VPS13B: variants seen among roughly 807,000 people sequenced by gnomAD.
VPS13B encodes intermembrane lipid transfer protein VPS13B.
Under a neutral mutation model 426.4 loss-of-function variants are expected in VPS13B, and 285 were observed. The observed-to-expected ratio is 0.67, with a 90% CI of 0.61 to 0.74. The LOEUF (loss-of-function observed/expected upper bound fraction) is 0.74. VPS13B is among the 30% of genes least tolerant of loss of function. The pLI is 0.00. For missense variants in VPS13B, 4,537 were observed against 4,782.6 expected (o/e 0.95, Z 1.51); for synonymous variants, 1,676 against 1,676.4 (o/e 1.00, Z 0.01).
At chr8:99,261,743 A>G (rs1287228880) in intron 17 of VPS13B, among the ~76,000 whole-genome samples, 1 of 152,204 alleles carries the variant, frequency 6.6e-6, no homozygotes, top group Non-Finnish European at 1.5e-5. Context: ...CATTGAGGTT[A>G]ATTCTTATTA....
chr8:99,443,580 G>A (rs927424635), intron 23 of VPS13B, among the ~76,000 whole-genome samples: 4 of 152,138 alleles, frequency 2.6e-5, no homozygotes, highest in Non-Finnish European at 5.9e-5. Context: ...TGTTTTTAGA[G>A]TATATGGTCT....
intron 30 of VPS13B, among the ~76,000 whole-genome samples, chr8:99,555,382 A>C (rs1824501241): frequency 6.6e-6 from 1 of 152,100 alleles, no homozygotes; most frequent in Non-Finnish European, 1.5e-5. Flanking sequence ...ACCTCCCAAT[A>C]ATAAGTTTCG....
chr8:99,443,458 ACTTTT>A (rs1463902804), intron 23 of VPS13B, among the ~76,000 whole-genome samples: 1 of 152,136 alleles, frequency 6.6e-6, no homozygotes, highest in Non-Finnish European at 1.5e-5. Context: ...ATTGAAATCT[ACTTTT>A]CTTATATTCA....
chr8:99,736,821 T>C (rs180730852), intron 39 of VPS13B, among the ~76,000 whole-genome samples: 192 of 152,310 alleles, frequency 1.3e-3, no homozygotes, highest in Non-Finnish European at 1.8e-3. Flanking sequence ...GAGAGCTTTA[T>C]GTAATAATCT....
At chr8:99,243,242 G>A (rs182308624) in intron 17 of VPS13B, among the ~76,000 whole-genome samples, 12 of 152,256 alleles carry the variant, frequency 7.9e-5, no homozygotes, top group African/African-American at 2.9e-4. Flanking sequence ...AAGGCAGTAT[G>A]GTATAGCTGA....
At chr8:99,217,221 G>A (rs1040402136) in intron 17 of VPS13B, among the ~76,000 whole-genome samples, 2 of 151,804 alleles carry the variant, frequency 1.3e-5, no homozygotes, top group Non-Finnish European at 2.9e-5. Flanking sequence ...AGTGATTATC[G>A]TGTGCCTGGC....
intron 33 of VPS13B, among the ~76,000 whole-genome samples, chr8:99,605,720 C>G (rs574554077): frequency 6.6e-6 from 1 of 152,264 alleles, no homozygotes; most frequent in South Asian, 2.1e-4. Context: ...GATAATTCCT[C>G]TAATATTGCT....
intron 31 of VPS13B, among the ~76,000 whole-genome samples, chr8:99,567,973 G>T (rs750579040): frequency 1.3e-5 from 2 of 152,086 alleles, no homozygotes; most frequent in Non-Finnish European, 2.9e-5. Context: ...CTCAGGGAAG[G>T]CCCCTTCTAA....
intron 59 of VPS13B, among the ~76,000 whole-genome samples, 171 bp downstream of exon 59, chr8:99,868,636 T>C (rs1012453762): frequency 5.9e-5 from 9 of 152,232 alleles, no homozygotes; most frequent in Middle Eastern, 3.4e-3. Flanking sequence ...AATAAAACCA[T>C]AGAATCAGGA....
chr8:99,640,845 A>G (rs1159204115), intron 33 of VPS13B, among the ~76,000 whole-genome samples: 1 of 152,222 alleles, frequency 6.6e-6, no homozygotes, highest in Non-Finnish European at 1.5e-5. Context: ...AAAGACTGAA[A>G]GGAAGAGCCA....
intron 61 of VPS13B, among the ~76,000 whole-genome samples, chr8:99,872,057 G>T (rs985601089): frequency 1.3e-5 from 2 of 152,188 alleles, no homozygotes; most frequent in Non-Finnish European, 2.9e-5. Flanking sequence ...CGAGTGGGTT[G>T]GTTCAGGAAG....
At chr8:99,718,533 A>G (rs1833008814) in intron 37 of VPS13B, among the ~76,000 whole-genome samples, 2 of 152,336 alleles carry the variant, frequency 1.3e-5, no homozygotes, top group Middle Eastern at 3.4e-3. Context: ...ATAGATTTTA[A>G]TTTAATCTTC....
rs532573250 is a variant in VPS13B, at chr8:99,375,045, C to T, written c.2825-9163C>T. ...TCGTATCTATGGGCCTGCACTTCACCGGGGGTCTTTCTCATCTCTCCAGCC... is the reference window on the plus strand; with the variant it reads ...TCGTATCTATGGGCCTGCACTTCACTGGGGGTCTTTCTCATCTCTCCAGCC... On this transcript the variant is annotated intron_variant, in intron 19 of 61. Coordinates refer to ENST00000357162, the MANE Select transcript of VPS13B (RefSeq NM_152564.5). Among the ~76,000 whole-genome samples, 18 of 152,264 alleles carry T rather than the reference C, an allele frequency of 1.2e-4. No individual in the cohort carries two copies. The South Asian group carries it at 1.2e-3, about 11-fold the overall frequency.
At chr8:99,129,278 A>G (rs981855476) in intron 8 of VPS13B, among the ~76,000 whole-genome samples, 1 of 151,728 alleles carries the variant, frequency 6.6e-6, no homozygotes, top group African/African-American at 2.4e-5. Flanking sequence ...TAATAAAATA[A>G]GATATTAAAA....
At chr8:99,123,500 T>C (rs1483205186) in intron 8 of VPS13B, among the ~76,000 whole-genome samples, 1 of 152,142 alleles carries the variant, frequency 6.6e-6, no homozygotes, top group African/African-American at 2.4e-5. Context: ...CTGAGTGAGA[T>C]AAACAATATT....
At chr8:99,431,034 A>G (rs1374549871) in intron 21 of VPS13B, among the ~76,000 whole-genome samples, 1 of 152,166 alleles carries the variant, frequency 6.6e-6, no homozygotes, top group Non-Finnish European at 1.5e-5. Context: ...ACTTTTTAAA[A>G]TTGAGAGATT....
chr8:99,329,502 GT>G (rs1262926097), intron 19 of VPS13B, among the ~76,000 whole-genome samples: 1 of 152,024 alleles, frequency 6.6e-6, no homozygotes, highest in Non-Finnish European at 1.5e-5. Flanking sequence ...TCCAATGCAT[GT>G]TTTTAGTAAT....
intron 17 of VPS13B, among the ~76,000 whole-genome samples, chr8:99,253,494 T>G (rs917789591): frequency 6.6e-6 from 1 of 152,188 alleles, no homozygotes; most frequent in Non-Finnish European, 1.5e-5. Flanking sequence ...CGCTTGTTAT[T>G]GTTTCTCTTT....
At chr8:99,699,400 A>G in intron 35 of VPS13B, 125 bp from the exon 36 acceptor site, 1 of 997,400 alleles carries the variant, frequency 1.0e-6, no homozygotes, top group Admixed American at 2.2e-5. Context: ...TATCATGTTC[A>G]GGCATCCTAA....
Sources: allele counts gnomAD v4.1 joint callset (sites outside exome capture counted in the v4.1 genomes callset), GRCh38; gene constraint gnomAD v4.1.1; transcripts MANE v1.5; gene names NCBI Gene and HGNC (gene_info 2026-07-23, HGNC 2026-07-21).